Variants in CFAP299 observed in about 807,000 individuals in gnomAD.
CFAP299 encodes the protein cilia and flagella associated protein 299.
A neutral mutation model predicts 27.0 loss-of-function variants in CFAP299; 21 were observed. The observed-to-expected ratio is 0.78, with a 90% CI of 0.55 to 1.12. CFAP299 has a LOEUF of 1.12. Ranked by LOEUF, CFAP299 falls within the 50% of genes most tolerant of loss-of-function variation. The pLI is 0.00. For synonymous variants in CFAP299, 104 were observed against 98.1 expected, an observed-to-expected ratio of 1.06 and a Z score of -0.36; for missense variants, 310 against 276.6, an observed-to-expected ratio of 1.12 and a Z score of -0.86.
chr4:80,535,840 C>G (rs934580778), intron 2 of CFAP299, among the ~76,000 whole-genome samples: 2 of 152,108 alleles, frequency 1.3e-5, no homozygotes, highest in Non-Finnish European at 2.9e-5. Flanking sequence ...GTGTAAAGCA[C>G]AAATTATCCT....
At chr4:80,571,516 G>A (rs1198611103) in intron 2 of CFAP299, among the ~76,000 whole-genome samples, 4 of 152,106 alleles carry the variant, frequency 2.6e-5, no homozygotes, top group Admixed American at 2.6e-4. Context: ...GAAAGTGTAT[G>A]TAGAAAAATA....
In CFAP299 at chr4:80,789,637, A is replaced by C. The variant is rs1039230263; in HGVS notation, c.334-80356A>C. 1.3e-5 allele frequency among the ~76,000 whole-genome samples: 2 copies of C among 152,058 alleles called. 1 individual carries two copies. The highest frequency in any genetic ancestry group is 2.9e-5 in the Non-Finnish European group (2 of 67,970). ...TGTTTAAGTATTTTGACACGTATTT[A>C]TTCTTCGCATGGCTTATTTTTATTA... On this transcript the variant is annotated intron_variant, in intron 3 of 5. Coordinates refer to ENST00000358105, the MANE Select transcript of CFAP299 (RefSeq NM_152770.3).
chr4:80,363,632 G>A (rs1372621217), intron 2 of CFAP299, among the ~76,000 whole-genome samples: 1 of 152,116 alleles, frequency 6.6e-6, no homozygotes. Flanking sequence ...ATTTGGTAGT[G>A]GAATGTGCTT....
At chr4:80,669,078 C>G (rs1741297953) in intron 3 of CFAP299, among the ~76,000 whole-genome samples, 1 of 136,398 alleles carries the variant, frequency 7.3e-6, no homozygotes, top group Non-Finnish European at 1.6e-5. Flanking sequence ...CTTTGTAGCT[C>G]TTGTAAATAA....
chr4:80,554,993 C>CTTTA (rs1734716278), intron 2 of CFAP299, among the ~76,000 whole-genome samples: 1 of 152,090 alleles, frequency 6.6e-6, no homozygotes, highest in South Asian at 2.1e-4. Flanking sequence ...CCCTTTATTT[C>CTTTA]TTTCGCTTGC....
At chr4:80,937,820 A>G (rs550432562) in intron 4 of CFAP299, among the ~76,000 whole-genome samples, 1 of 151,686 alleles carries the variant, frequency 6.6e-6, no homozygotes, top group South Asian at 2.1e-4. Context: ...ATCTTTTGCT[A>G]TTTTCCTTTG....
chr4:80,759,484 C>T (rs1347640492), intron 3 of CFAP299, among the ~76,000 whole-genome samples: 2 of 152,190 alleles, frequency 1.3e-5, no homozygotes, highest in African/African-American at 4.8e-5. Flanking sequence ...TGCTTAAAAA[C>T]CATGAAAGAA....
chr4:80,743,188 G>T (rs1176762337), intron 3 of CFAP299, among the ~76,000 whole-genome samples: 1 of 151,846 alleles, frequency 6.6e-6, no homozygotes, highest in Admixed American at 6.6e-5. Flanking sequence ...CTGAGGTCAG[G>T]AGTTTGTGAC....
At chr4:80,522,138 C>A (rs1732950088) in intron 2 of CFAP299, among the ~76,000 whole-genome samples, 1 of 151,774 alleles carries the variant, frequency 6.6e-6, no homozygotes, top group South Asian at 2.1e-4. Flanking sequence ...TTATTACTTT[C>A]TGTTTTGGTT....
Position 80,643,573 on chromosome 4 carries a change from G to A in CFAP299, c.333+60390G>A, listed in dbSNP as rs936336582. The stretch of plus-strand genomic sequence containing the variant: ...AGAATTTCTAGAGTAATATCTTTGA[G>A]TAGGTGAGGGGCAATGGTATCTAGC... On this transcript the variant is annotated intron_variant, in intron 3 of 5. Coordinates refer to ENST00000358105, the MANE Select transcript of CFAP299 (RefSeq NM_152770.3). Among the ~76,000 whole-genome samples, 10 of 152,206 alleles carry A rather than the reference G, an allele frequency of 6.6e-5. No homozygotes were observed. The East Asian group carries it at 1.7e-3, about 26-fold the overall frequency.
intron 3 of CFAP299, among the ~76,000 whole-genome samples, chr4:80,675,993 T>C (rs1427170245): frequency 1.3e-5 from 2 of 152,136 alleles, no homozygotes; most frequent in South Asian, 2.1e-4. Flanking sequence ...CCCTTGTGCT[T>C]CTCAGGTGAG....
chr4:80,626,437 A>T (rs886571301), intron 3 of CFAP299, among the ~76,000 whole-genome samples: 30 of 151,900 alleles, frequency 2.0e-4, no homozygotes, highest in African/African-American at 7.2e-4. Flanking sequence ...AAGGTAAAAG[A>T]TCTCAAATAA....
chr4:80,380,034 T>C (rs985791038), intron 2 of CFAP299, among the ~76,000 whole-genome samples: 1 of 152,180 alleles, frequency 6.6e-6, no homozygotes, highest in African/African-American at 2.4e-5. Flanking sequence ...TAGGTTTATC[T>C]GTATCTTTTA....
chr4:80,336,282 G>C (rs1445174704), intron 1 of CFAP299, among the ~76,000 whole-genome samples: 3 of 152,184 alleles, frequency 2.0e-5, no homozygotes. Context: ...TTGCCAATTG[G>C]TATATTAAAG....
intron 3 of CFAP299, among the ~76,000 whole-genome samples, chr4:80,695,304 T>G (rs899843402): frequency 6.6e-6 from 1 of 152,196 alleles, no homozygotes; most frequent in Non-Finnish European, 1.5e-5. Context: ...TAGTGATTAT[T>G]TATGGACTGC....
chr4:80,448,314 T>A (rs1728741630), intron 2 of CFAP299, among the ~76,000 whole-genome samples: 1 of 152,222 alleles, frequency 6.6e-6, no homozygotes, highest in Non-Finnish European at 1.5e-5. Context: ...AATGCCTAGT[T>A]CCTGCTAGTA....
intron 3 of CFAP299, among the ~76,000 whole-genome samples, chr4:80,762,756 G>A (rs930544778): frequency 2.0e-5 from 3 of 152,096 alleles, no homozygotes; most frequent in South Asian, 2.1e-4. Context: ...GCCAAAGAGT[G>A]TTGTGTCACC....
At chr4:80,771,749 T>TA (rs1474991686) in intron 3 of CFAP299, among the ~76,000 whole-genome samples, 2 of 152,146 alleles carry the variant, frequency 1.3e-5, no homozygotes, top group African/African-American at 4.8e-5. Flanking sequence ...GCCCCCTTCA[T>TA]AATTCCAGGT....
rs1313817923 is a variant in CFAP299 at position 80,866,081 on chromosome 4, A to ATATATATATATATATATATG, written c.334-3897_334-3896insATATGTATATATATATATAT. Among the ~76,000 whole-genome samples the ATATATATATATATATATATG allele has an allele frequency of 7.8e-4, 95 of 122,556 alleles. 3 individuals carry two copies. The highest frequency in any genetic ancestry group is 2.6e-3 in the African/African-American group (88 of 34,450). 80.4% of individuals were successfully genotyped at this position (122,556 alleles called of 152,430 possible). On this transcript the variant is annotated intron_variant, in intron 3 of 5. Coordinates refer to ENST00000358105, the MANE Select transcript of CFAP299 (RefSeq NM_152770.3). ...GTATTATATATATATATATATATAT[A>ATATATATATATATATATATG]TATATATATATATATCTTCCCAAAT...
Sources: allele counts gnomAD v4.1 joint callset (sites outside exome capture counted in the v4.1 genomes callset), GRCh38; gene constraint gnomAD v4.1.1; transcripts MANE v1.5; gene names NCBI Gene and HGNC (gene_info 2026-07-23, HGNC 2026-07-21).